The following TENM3 variants were observed in gnomAD, a reference collection of about 807,000 sequenced individuals.
TENM3 encodes the protein teneurin transmembrane protein 3, also known as teneurin-3.
A neutral mutation model predicts 255.1 loss-of-function variants in TENM3; 63 were observed. The observed-to-expected ratio is 0.25, with a 90% CI of 0.20 to 0.30. TENM3 has a LOEUF of 0.30. TENM3 is among the 10% of genes least tolerant of loss of function. TENM3 has a pLI of 1.00. For missense variants in TENM3, 2,929 were observed against 3,461.1 expected (o/e 0.85, Z 3.86); for synonymous variants, 1,306 against 1,322.3 (o/e 0.99, Z 0.27).
chr4:181,770,457 G>A, the TENM3 span, among the ~76,000 whole-genome samples: 3 of 152,046 alleles, frequency 2.0e-5, no homozygotes, highest in East Asian at 3.9e-4. Context: ...GGTGGATCAC[G>A]AGGTCAGGAG....
chr4:182,453,482 G>C (rs952118867), intron 3 of TENM3, among the ~76,000 whole-genome samples: 5 of 152,132 alleles, frequency 3.3e-5, no homozygotes, highest in African/African-American at 9.7e-5. Context: ...ATATTAAATA[G>C]TGTTTGACAT....
At chr4:181,638,132 T>C in the TENM3 span, among the ~76,000 whole-genome samples, 1 of 152,184 alleles carries the variant, frequency 6.6e-6, no homozygotes, top group Non-Finnish European at 1.5e-5. Context: ...TAAAAATTGG[T>C]TTATTCAAAA....
chr4:181,794,666 C>CTGTGTGTGTGTGTGTGTGTG, the TENM3 span, among the ~76,000 whole-genome samples: 2 of 142,900 alleles, frequency 1.4e-5, no homozygotes, highest in South Asian at 2.4e-4. Context: ...AATAATATCC[C>CTGTGTGTGTGTGTGTGTGTG]TGTGTGTGTG....
the TENM3 span, among the ~76,000 whole-genome samples, chr4:181,819,367 A>G: frequency 6.6e-6 from 1 of 152,230 alleles, no homozygotes; most frequent in Non-Finnish European, 1.5e-5. Flanking sequence ...AGTAATAAAA[A>G]TAATAGGTCA....
the TENM3 span, among the ~76,000 whole-genome samples, chr4:181,826,882 T>C: frequency 6.6e-6 from 1 of 152,306 alleles, no homozygotes; most frequent in African/African-American, 2.4e-5. Flanking sequence ...GCAAATTCTG[T>C]TGTTCGTCCC....
At chr4:182,646,016 G>A (rs958329008) in intron 5 of TENM3, among the ~76,000 whole-genome samples, 9 of 152,124 alleles carry the variant, frequency 5.9e-5, no homozygotes, top group African/African-American at 1.9e-4. Flanking sequence ...ACATGTGCAG[G>A]GTGGTTCTTG....
At chr4:181,921,076 C>A in the TENM3 span, among the ~76,000 whole-genome samples, 2 of 152,154 alleles carry the variant, frequency 1.3e-5, no homozygotes, top group Non-Finnish European at 2.9e-5. Context: ...GGGCTCTGTT[C>A]TCTTCCATTC....
At chr4:181,933,539 C>T in the TENM3 span, among the ~76,000 whole-genome samples, 4 of 152,144 alleles carry the variant, frequency 2.6e-5, no homozygotes, top group African/African-American at 9.6e-5. Flanking sequence ...AGAGACGTAA[C>T]CAAAGAGGCT....
At chr4:182,291,808 CCCAGTGGG>C (rs1761144695) in intron 1 of TENM3, among the ~76,000 whole-genome samples, 3 of 152,092 alleles carry the variant, frequency 2.0e-5, no homozygotes, top group Admixed American at 2.0e-4. Context: ...CACAGGACAG[CCCAGTGGG>C]GTCGCGTTCC....
At chr4:181,551,906 T>A in the TENM3 span, among the ~76,000 whole-genome samples, 1 of 148,074 alleles carries the variant, frequency 6.8e-6, no homozygotes, top group African/African-American at 2.5e-5. Flanking sequence ...ATTTTGCCTG[T>A]ATTCTTTCCA....
chr4:182,348,222 C>A lies in TENM3; in HGVS notation c.511+1293C>A, dbSNP rs555260468. Among the ~76,000 whole-genome samples, 32 of 152,012 alleles carry A rather than the reference C, an allele frequency of 2.1e-4. No homozygotes were observed. In the South Asian group the frequency reaches 5.0e-3, roughly 24 times the overall value. ...GTTCTTGGTGGAGGCTGGCTTTATT[C>A]CAATTCAAAAGAAGAAACAAGGACA... On this transcript the variant is annotated intron_variant, in intron 3 of 27. Transcript: ENST00000511685.
At chr4:181,737,074 C>T in the TENM3 span, among the ~76,000 whole-genome samples, 1 of 152,096 alleles carries the variant, frequency 6.6e-6, no homozygotes, top group Non-Finnish European at 1.5e-5. Context: ...GTCAGGTCTT[C>T]CATCAGCTAC....
chr4:182,658,482 C>A (rs981004293), intron 6 of TENM3, among the ~76,000 whole-genome samples: 5 of 152,196 alleles, frequency 3.3e-5, no homozygotes. Flanking sequence ...CAGATCTCAA[C>A]TACATATTTT....
At chr4:182,760,575 T>C (rs1341263963) in intron 22 of TENM3, among the ~76,000 whole-genome samples, 2 of 152,010 alleles carry the variant, frequency 1.3e-5, no homozygotes, top group Non-Finnish European at 2.9e-5. Flanking sequence ...ACTTTGAATA[T>C]TTGGAGCTCT....
At chr4:182,175,930 G>A (rs1489725799) in intron 1 of TENM3, among the ~76,000 whole-genome samples, 15 of 150,180 alleles carry the variant, frequency 1.0e-4, no homozygotes, top group Non-Finnish European at 2.9e-5. Flanking sequence ...CCCTGCCGCC[G>A]CTGCACATTG....
At position 182,792,580 on chromosome 4, in the gene TENM3, T is replaced by C. The variant is rs1766194682; in HGVS notation, c.5908T>C (p.Tyr1970His). 1 of 1,613,986 alleles carries C rather than the reference T, an allele frequency of 6.2e-7. No individual in the cohort carries two copies. Residue 1970 changes from tyrosine (Y) to histidine (H), a missense_variant, in exon 26 of 28, where the codon TAT becomes CAT. Tyr to His is a moderately conservative substitution (Grantham distance 83). Coordinates refer to ENST00000511685, the MANE Select transcript of TENM3 (RefSeq NM_001080477.4). The surrounding 1 kb of genome is among the most constrained non-coding windows in gnomAD (Gnocchi z 6.3). ...TGATAGCACAAGAGTCAGTTTTACC[T>C]ATGATGAAACAGCAGGAGTCCTAAA... ...LYDSTRVSFT[Y>H]DETAGVLKTV...
rs1472166341 is a variant in TENM3, at chr4:182,800,526, G to A, written c.*175G>A. 22 of 728,994 alleles carry A rather than the reference G, an allele frequency of 3.0e-5. No individual in the cohort carries two copies. Among genetic ancestry groups the A allele is most frequent in the Non-Finnish European group, 4.1e-5 (19 of 465,708 alleles). 45.2% of individuals were successfully genotyped at this position (728,994 alleles called of 1,614,324 possible). On this transcript the variant is annotated 3_prime_UTR_variant, in exon 28 of 28. Coordinates refer to ENST00000511685, the MANE Select transcript of TENM3 (RefSeq NM_001080477.4). The stretch of plus-strand genomic sequence containing the variant: ...CGCTTTTTTCCGAATGACCTTAAAG[G>A]TGATCGGCTTTAACGAATATGTTTA...
Position 182,793,979 on chromosome 4 carries a change from A to T in TENM3, c.7213+94A>T. The T allele has an allele frequency of 8.3e-7, 1 of 1,199,780 alleles. No individual in the cohort carries two copies. The highest frequency in any genetic ancestry group is 1.1e-6 in the Non-Finnish European group (1 of 872,460). 74.3% of individuals were successfully genotyped at this position (1,199,780 alleles called of 1,614,324 possible). ...GAAATGCTTTTTTAAAAAACTTTATACTTTACTCAGGCAAAGGCAAATGGC... is the reference window on the plus strand; with the variant it reads ...GAAATGCTTTTTTAAAAAACTTTATTCTTTACTCAGGCAAAGGCAAATGGC... On this transcript the variant is annotated intron_variant, in intron 26 of 27. Coordinates refer to ENST00000511685, the MANE Select transcript of TENM3 (RefSeq NM_001080477.4). This position sits in a 1 kb window ranked among gnomAD's most constrained non-coding sequence, Gnocchi z 5.7.
chr4:182,685,636 G>C (rs896016074), intron 11 of TENM3, among the ~76,000 whole-genome samples: 57 of 152,118 alleles, frequency 3.7e-4, no homozygotes, highest in African/African-American at 1.3e-3. Context: ...AAATGTTATA[G>C]AGATAATTAC....
Sources: allele counts gnomAD v4.1 joint callset (sites outside exome capture counted in the v4.1 genomes callset), GRCh38; gene constraint gnomAD v4.1.1; non-coding constraint Gnocchi (gnomAD v3.1); transcripts MANE v1.5; gene names NCBI Gene and HGNC (gene_info 2026-07-23, HGNC 2026-07-21).